The following CYP19A1 variants were observed in gnomAD, a reference collection of about 807,000 sequenced individuals.
CYP19A1 encodes the protein aromatase.
CYP19A1 carries 32 observed loss-of-function variants against 44.4 expected under a neutral mutation model. The ratio of observed to expected loss-of-function variants is 0.72; its 90% CI spans 0.54 to 0.97. The LOEUF is 0.97. CYP19A1 is among the 50% of genes least tolerant of loss of function. The pLI is 0.00. For synonymous variants in CYP19A1, 212 were observed against 215.6 expected (o/e 0.98, Z 0.14); for missense variants, 598 against 637.8 (o/e 0.94, Z 0.67).
intron 1 of CYP19A1, among the ~76,000 whole-genome samples, chr15:51,280,928 G>A (rs753984104): frequency 1.6e-4 from 24 of 152,276 alleles, no homozygotes; most frequent in Non-Finnish European, 2.5e-4. Flanking sequence ...TCAGGAATGG[G>A]AAGACAGCAC....
At position 51,249,779 on chromosome 15, in the gene CYP19A1, A is replaced by G. The variant is rs115036909; in HGVS notation, c.-38-6829T>C. Among the ~76,000 whole-genome samples the G allele has an allele frequency of 4.0e-3, 608 of 152,314 alleles. 4 individuals carry two copies. The highest frequency in any genetic ancestry group is 0.014 in the African/African-American group (586 of 41,562). On this transcript the variant is annotated intron_variant, in intron 1 of 9. Transcript: ENST00000396402. Reference sequence around the variant, plus strand: ...TCTAATAATACAGTTCTCTTCCTTTAAAAATGAACCACTTACATGAGATCC... The same window carrying G: ...TCTAATAATACAGTTCTCTTCCTTTGAAAATGAACCACTTACATGAGATCC...
chr15:51,263,090 A>G (rs569621903), intron 1 of CYP19A1, among the ~76,000 whole-genome samples: 2 of 152,324 alleles, frequency 1.3e-5, no homozygotes, highest in African/African-American at 4.8e-5. Flanking sequence ...ATGTTGTGAT[A>G]TGAACTCCCA....
At chr15:51,316,314 T>C (rs1044284213) in intron 1 of CYP19A1, among the ~76,000 whole-genome samples, 1 of 150,888 alleles carries the variant, frequency 6.6e-6, no homozygotes, top group African/African-American at 2.4e-5. Context: ...CATAGCGAGA[T>C]CCTGTCTCTA....
chr15:51,301,523 A>G (rs1265166850), intron 1 of CYP19A1, among the ~76,000 whole-genome samples: 1 of 152,166 alleles, frequency 6.6e-6, no homozygotes, highest in African/African-American at 2.4e-5. Context: ...GGGTCTTAGG[A>G]TTGGAGGCCA....
At chr15:51,260,493 C>T (rs546809665) in intron 1 of CYP19A1, among the ~76,000 whole-genome samples, 20 of 152,268 alleles carry the variant, frequency 1.3e-4, no homozygotes, top group Middle Eastern at 3.4e-3. Context: ...GAGATTACCA[C>T]GGGTTTTCGG....
intron 1 of CYP19A1, among the ~76,000 whole-genome samples, chr15:51,291,982 A>G (rs2035857102): frequency 6.6e-6 from 1 of 152,250 alleles, no homozygotes; most frequent in African/African-American, 2.4e-5. Flanking sequence ...AAGGCTGGCT[A>G]CTTTAGCAGT....
At chr15:51,267,624 A>G (rs1174100208) in intron 1 of CYP19A1, among the ~76,000 whole-genome samples, 1 of 152,234 alleles carries the variant, frequency 6.6e-6, no homozygotes, top group East Asian at 1.9e-4. Flanking sequence ...AAGACGCAGG[A>G]GACGCGACCG....
At chr15:51,222,138 G>T (rs201780452) in intron 5 of CYP19A1, 13 of 760,712 alleles carry the variant, frequency 1.7e-5, no homozygotes, top group Non-Finnish European at 2.5e-5. Context: ...GATACAAAAG[G>T]CTAGTAGATG....
intron 1 of CYP19A1, among the ~76,000 whole-genome samples, chr15:51,289,684 G>T (rs1256755533): frequency 6.6e-6 from 1 of 152,160 alleles, no homozygotes; most frequent in Admixed American, 6.5e-5. Context: ...ATAATTTGAG[G>T]CAACCTTGTT....
In CYP19A1 at chr15:51,263,701, A is replaced by G. The variant is rs1223441293; in HGVS notation, c.-38-20751T>C. On this transcript the variant is annotated intron_variant, in intron 1 of 9. Transcript: ENST00000396402. The stretch of plus-strand genomic sequence containing the variant: ...TTGCTGGAGGCAGTGATGAAAGGAG[A>G]GGACAGGAGCAAATCCAATGGACCC... 2.0e-5 allele frequency among the ~76,000 whole-genome samples: 3 copies of G among 152,296 alleles called. No homozygotes were observed. In the South Asian group the frequency reaches 6.2e-4, roughly 32 times the overall value.
chr15:51,324,557 C>A (rs896453270), intron 1 of CYP19A1, among the ~76,000 whole-genome samples: 13 of 152,246 alleles, frequency 8.5e-5, no homozygotes, highest in African/African-American at 2.7e-4. Context: ...TCCAGGCCAG[C>A]TCCTGGCTGG....
At chr15:51,272,059 A>G (rs896397355) in intron 1 of CYP19A1, among the ~76,000 whole-genome samples, 1 of 152,226 alleles carries the variant, frequency 6.6e-6, no homozygotes, top group Non-Finnish European at 1.5e-5. Context: ...AGAGAGAAAC[A>G]CCAGGCTGGC....
intron 1 of CYP19A1, among the ~76,000 whole-genome samples, chr15:51,294,282 G>A (rs1382278073): frequency 2.1e-5 from 3 of 142,602 alleles, no homozygotes; most frequent in Non-Finnish European, 4.5e-5. Flanking sequence ...GTCTCTGCCC[G>A]GCCGCCCATC....
chr15:51,309,327 A>T (rs1330997763), intron 1 of CYP19A1, among the ~76,000 whole-genome samples: 1 of 152,174 alleles, frequency 6.6e-6, no homozygotes, highest in Non-Finnish European at 1.5e-5. Flanking sequence ...AATGAGAAAT[A>T]AATGTTTGTT....
chr15:51,299,092 G>C (rs960634031), intron 1 of CYP19A1, among the ~76,000 whole-genome samples: 1 of 152,248 alleles, frequency 6.6e-6, no homozygotes, highest in Admixed American at 6.5e-5. Context: ...TCCGCCAAGA[G>C]AGAGGACCCT....
At position 51,210,974 on chromosome 15, in the gene CYP19A1, G is replaced by T; in HGVS notation, c.1346C>A (p.Ala449Asp). 6.2e-7 allele frequency: 1 copy of T among 1,603,392 alleles called. No homozygotes were observed. Among genetic ancestry groups the T allele is most frequent in the Admixed American group, 1.7e-5 (1 of 59,990 alleles). Residue 449 changes from alanine to aspartate, a missense_variant, in exon 10 of 10, where the codon GCC becomes GAC. Transcript: ENST00000396402. Reference protein sequence around the residue: ...GKYIAMVMMKAILVTLLRRFH... With the variant: ...GKYIAMVMMKDILVTLLRRFH... ...TCGTCTCAGAAGTGTAACGAGGATG[G>T]CTTTCATCATCACCATGGCGATGTA...
At chr15:51,287,813 G>T (rs112393515) in intron 1 of CYP19A1, among the ~76,000 whole-genome samples, 3 of 152,212 alleles carry the variant, frequency 2.0e-5, no homozygotes, top group Non-Finnish European at 4.4e-5. Flanking sequence ...CAGGTTGCCA[G>T]CCAATTTTAT....
chr15:51,214,545 C>G (rs772907036), intron 8 of CYP19A1, among the ~76,000 whole-genome samples: 2 of 152,176 alleles, frequency 1.3e-5, no homozygotes, highest in Non-Finnish European at 2.9e-5. Flanking sequence ...GCTTGAAGCC[C>G]AGAAACAGTG....
intron 2 of CYP19A1, among the ~76,000 whole-genome samples, chr15:51,237,363 C>T (rs541538349): frequency 6.6e-6 from 1 of 152,286 alleles, no homozygotes; most frequent in Non-Finnish European, 1.5e-5. Flanking sequence ...CATTTGGTAG[C>T]AAACATGGAA....
Sources: allele counts gnomAD v4.1 joint callset (sites outside exome capture counted in the v4.1 genomes callset), GRCh38; gene constraint gnomAD v4.1.1; transcripts MANE v1.5; gene names NCBI Gene and HGNC (gene_info 2026-07-23, HGNC 2026-07-21).